FAM151B: variants seen among roughly 807,000 people sequenced by gnomAD.
The protein encoded by FAM151B is protein FAM151B.
A neutral mutation model predicts 31.2 loss-of-function variants in FAM151B; 24 were observed. The ratio of observed to expected loss-of-function variants is 0.77; its 90% CI spans 0.56 to 1.08. The LOEUF is 1.08. Ranked by LOEUF, FAM151B falls within the 50% of genes least tolerant of loss-of-function variation. The probability of loss-of-function intolerance (pLI) is 0.00; values close to 1 mark genes in which losing one functional copy is unlikely to be tolerated. For missense variants in FAM151B, 293 were observed against 328.6 expected (o/e 0.89, Z 0.84); for synonymous variants, 105 against 111.4 (o/e 0.94, Z 0.36).
In FAM151B at chr5:80,490,375, T is replaced by TA. The variant is rs555830649; in HGVS notation, c.25+2234dup. On this transcript the variant is annotated intron_variant, in intron 1 of 5. Transcript: ENST00000282226. ...AGCCTGGGCAACAGAGCCAGAGCCT[T>TA]AAAAAAATTAATAAATTCTTCAAAA... Among the ~76,000 whole-genome samples the TA allele has an allele frequency of 1.3e-3, 203 of 152,272 alleles. 1 individual carries two copies. The highest frequency in any genetic ancestry group is 2.7e-3 in the South Asian group (13 of 4,826).
chr5:80,516,248 C>T (rs372206079), intron 3 of FAM151B, among the ~76,000 whole-genome samples: 5 of 152,056 alleles, frequency 3.3e-5, no homozygotes, highest in Non-Finnish European at 5.9e-5. Flanking sequence ...CACTTGGACC[C>T]GGGAAGCGGA....
At chr5:80,526,304 A>G (rs1744963266) in intron 5 of FAM151B, among the ~76,000 whole-genome samples, 2 of 152,150 alleles carry the variant, frequency 1.3e-5, no homozygotes, top group African/African-American at 4.8e-5. Flanking sequence ...AAATTCTCTT[A>G]GCATTTTTAA....
chr5:80,516,947 C>T (rs980394129), intron 3 of FAM151B, among the ~76,000 whole-genome samples: 1 of 152,160 alleles, frequency 6.6e-6, no homozygotes, highest in Non-Finnish European at 1.5e-5. Context: ...TTTTAAATTA[C>T]ACACCATTCT....
chr5:80,500,205 A>G, intron 1 of FAM151B: 1 of 510,932 alleles, frequency 2.0e-6, no homozygotes, highest in Non-Finnish European at 3.5e-6. Flanking sequence ...AAAATCAAAT[A>G]TAACAGAAAT....
chr5:80,503,498 G>A (rs1381055198), intron 2 of FAM151B, among the ~76,000 whole-genome samples: 2 of 152,084 alleles, frequency 1.3e-5, no homozygotes, highest in Admixed American at 6.6e-5. Context: ...GAGCCCAAGA[G>A]CTGGAGGCTG....
chr5:80,534,593 G>A (rs1232063921), intron 5 of FAM151B, among the ~76,000 whole-genome samples: 1 of 152,168 alleles, frequency 6.6e-6, no homozygotes, highest in Non-Finnish European at 1.5e-5. Context: ...AACTGGGTAT[G>A]GAAGGAGCAT....
Position 80,519,752 on chromosome 5 carries a change from G to C in FAM151B, c.377G>C (p.Arg126Pro). The C allele has an allele frequency of 6.2e-7, 1 of 1,614,112 alleles. No individual in the cohort carries two copies. The highest frequency in any genetic ancestry group is 2.2e-5 in the East Asian group (1 of 44,882). Reference protein sequence around the residue: ...LLENVKRHLKRPVWINADILP... With the variant: ...LLENVKRHLKPPVWINADILP... ...GAAAATGTGAAGAGGCATCTGAAGC[G>C]TCCTGTATGGATTAATGCCGATATT... Residue 126 changes from arginine to proline, a missense_variant, in exon 4 of 6, where the codon CGT (arginine) becomes CCT (proline). Arg to Pro is a moderately radical substitution (Grantham distance 103). Transcript: ENST00000282226.
intron 4 of FAM151B, among the ~76,000 whole-genome samples, chr5:80,520,206 G>A (rs1473886122): frequency 6.6e-6 from 1 of 152,118 alleles, no homozygotes; most frequent in East Asian, 1.9e-4. Flanking sequence ...AGATTTTAAA[G>A]GAAAGTGGAA....
chr5:80,489,373 A>T (rs1743230068), intron 1 of FAM151B, among the ~76,000 whole-genome samples: 1 of 152,154 alleles, frequency 6.6e-6, no homozygotes, highest in South Asian at 2.1e-4. Context: ...AAACCTCCGT[A>T]GAACATTTTT....
chr5:80,528,883 G>A (rs1745092852), intron 5 of FAM151B, among the ~76,000 whole-genome samples: 1 of 152,018 alleles, frequency 6.6e-6, no homozygotes, highest in Non-Finnish European at 1.5e-5. Context: ...TGCACCAAGT[G>A]GACCTAATAG....
chr5:80,506,052 G>A (rs566940502), intron 2 of FAM151B: 224 of 986,080 alleles, frequency 2.3e-4, no homozygotes, highest in Middle Eastern at 4.6e-4. Flanking sequence ...CACCACGCCC[G>A]GCCAAGAACT....
intron 5 of FAM151B, among the ~76,000 whole-genome samples, chr5:80,526,529 G>A (rs1292779226): frequency 6.6e-6 from 1 of 151,940 alleles, no homozygotes; most frequent in Non-Finnish European, 1.5e-5. Flanking sequence ...CTGAGATGGG[G>A]GAATCGCTTG....
At chr5:80,532,318 T>C (rs1580454593) in intron 5 of FAM151B, among the ~76,000 whole-genome samples, 1 of 152,088 alleles carries the variant, frequency 6.6e-6, no homozygotes, top group East Asian at 1.9e-4. Flanking sequence ...TGTATACATA[T>C]GTAACTAACC....
At chr5:80,524,238 G>A (rs2112650046) in intron 5 of FAM151B, among the ~76,000 whole-genome samples, 1 of 152,062 alleles carries the variant, frequency 6.6e-6, no homozygotes, top group South Asian at 2.1e-4. Context: ...TATGACTATG[G>A]CCACATTTAT....
At chr5:80,511,535 T>G (rs1296169608) in intron 2 of FAM151B, among the ~76,000 whole-genome samples, 3 of 151,772 alleles carry the variant, frequency 2.0e-5, no homozygotes, top group African/African-American at 7.3e-5. Context: ...CGATTACCTG[T>G]CATCTATCCC....
chr5:80,504,115 A>G (rs1331258068), intron 2 of FAM151B, among the ~76,000 whole-genome samples: 1 of 152,166 alleles, frequency 6.6e-6, no homozygotes, highest in Non-Finnish European at 1.5e-5. Flanking sequence ...AATTTACGTT[A>G]TCCGAAATGA....
chr5:80,488,203 G>T, intron 1 of FAM151B, 55 bp downstream of exon 1: 1 of 1,516,878 alleles, frequency 6.6e-7, no homozygotes. Flanking sequence ...GAGAGGCTCC[G>T]CCGGCCGTAC....
chr5:80,493,240 T>C (rs1351009844), intron 1 of FAM151B, among the ~76,000 whole-genome samples: 1 of 152,226 alleles, frequency 6.6e-6, no homozygotes, highest in Non-Finnish European at 1.5e-5. Flanking sequence ...TGGACATTTA[T>C]CACTTCCCTA....
chr5:80,490,574 C>T lies in FAM151B; in HGVS notation c.25+2426C>T, dbSNP rs181821339. ...CAAAAAGAAACACTTCCCCATCCCC[C>T]ACCCTTTAACATCCACAACTGCTAT... is the stretch of plus-strand genomic sequence containing the variant. On this transcript the variant is annotated intron_variant, in intron 1 of 5. Coordinates refer to ENST00000282226, the MANE Select transcript of FAM151B (RefSeq NM_205548.3). Among the ~76,000 whole-genome samples, 427 of 152,310 alleles carry T rather than the reference C, an allele frequency of 2.8e-3. 2 individuals are homozygous for T. The highest frequency in any genetic ancestry group is 9.9e-3 in the African/African-American group (410 of 41,554).
Sources: allele counts gnomAD v4.1 joint callset (sites outside exome capture counted in the v4.1 genomes callset), GRCh38; gene constraint gnomAD v4.1.1; transcripts MANE v1.5; gene names NCBI Gene and HGNC (gene_info 2026-07-23, HGNC 2026-07-21).